The following KIZ variants were observed in gnomAD, a reference collection of about 807,000 sequenced individuals.
KIZ encodes the protein kizuna centrosomal protein.
Under a neutral mutation model 79.6 loss-of-function variants are expected in KIZ, and 68 were observed. The ratio of observed to expected loss-of-function variants is 0.85; its 90% CI spans 0.70 to 1.05. The LOEUF is 1.05. Among genes scored for constraint, KIZ ranks in the 50% least tolerant of loss-of-function variants. The probability of loss-of-function intolerance (pLI) is 0.00; values close to 1 mark genes in which losing one functional copy is unlikely to be tolerated. For missense variants in KIZ, 797 were observed against 800.4 expected, an observed-to-expected ratio of 1.00 and a Z score of 0.05; for synonymous variants, 280 against 281.8, an observed-to-expected ratio of 0.99 and a Z score of 0.06.
intron 4 of KIZ, chr20:21,158,543 T>C (rs1483974347): frequency 6.6e-6 from 1 of 152,218 alleles, no homozygotes; most frequent in East Asian, 1.9e-4. Flanking sequence ...AATAGGATAA[T>C]ATGCAGCTGT....
At chr20:21,189,435 G>A (rs1186268672) in intron 6 of KIZ, among the ~76,000 whole-genome samples, 3 of 152,158 alleles carry the variant, frequency 2.0e-5, no homozygotes, top group Non-Finnish European at 4.4e-5. Context: ...TGGTTCAGGC[G>A]GTTTAAGGGT....
chr20:21,211,874 A>C (rs766007893), intron 7 of KIZ, among the ~76,000 whole-genome samples: 6 of 152,216 alleles, frequency 3.9e-5, no homozygotes, highest in Non-Finnish European at 8.8e-5. Context: ...AGATCACGTG[A>C]GGACAGGAGT....
chr20:21,187,401 C>T (rs569111435), intron 6 of KIZ, among the ~76,000 whole-genome samples: 2 of 152,322 alleles, frequency 1.3e-5, no homozygotes, highest in South Asian at 2.1e-4. Flanking sequence ...GAGGATAACT[C>T]TGTACTAGAC....
intron 11 of KIZ, among the ~76,000 whole-genome samples, chr20:21,243,645 G>A (rs939334164): frequency 7.9e-5 from 12 of 152,160 alleles, no homozygotes; most frequent in South Asian, 6.2e-4. Context: ...ATCATATCCC[G>A]TGGAGCCAGT....
intron 7 of KIZ, chr20:21,213,844 G>A (rs2036173692): frequency 6.6e-6 from 1 of 152,230 alleles, no homozygotes; most frequent in South Asian, 2.1e-4. Flanking sequence ...ATTTAAGTAA[G>A]ACAATGCCTT....
At chr20:21,208,071 G>A (rs1347269554) in intron 7 of KIZ, among the ~76,000 whole-genome samples, 2 of 152,108 alleles carry the variant, frequency 1.3e-5, no homozygotes, top group Non-Finnish European at 2.9e-5. Context: ...CTTTGAGTTA[G>A]CACTGTCTTG....
intron 10 of KIZ, among the ~76,000 whole-genome samples, chr20:21,230,775 C>T (rs551990299): frequency 1.3e-3 from 192 of 152,304 alleles, no homozygotes; most frequent in Non-Finnish European, 2.2e-3. Context: ...GGCCTCTGTC[C>T]TGATGGAGGT....
chr20:21,146,136 A>G (rs1302550131), intron 4 of KIZ, among the ~76,000 whole-genome samples: 1 of 152,236 alleles, frequency 6.6e-6, no homozygotes, highest in Non-Finnish European at 1.5e-5. Context: ...TATCTGCTAT[A>G]ATGCAGGCTT....
At chr20:21,223,535 G>A (rs371376987) in intron 9 of KIZ, among the ~76,000 whole-genome samples, 36 of 152,136 alleles carry the variant, frequency 2.4e-4, no homozygotes, top group African/African-American at 7.7e-4. Context: ...GATGTGAAAA[G>A]TGATTCTGGT....
chr20:21,240,147 C>T (rs183766708), intron 11 of KIZ, among the ~76,000 whole-genome samples: 4 of 151,486 alleles, frequency 2.6e-5, no homozygotes, highest in African/African-American at 4.8e-5. Context: ...TTTTTTGAGA[C>T]GGTGTCTCGC....
At chr20:21,157,841 T>C (rs2033457454) in intron 4 of KIZ, among the ~76,000 whole-genome samples, 1 of 152,214 alleles carries the variant, frequency 6.6e-6, no homozygotes, top group African/African-American at 2.4e-5. Flanking sequence ...GTCCTCCCTG[T>C]GCTGGGTTAG....
chr20:21,154,153 A>G (rs753185231), intron 4 of KIZ: 5 of 152,214 alleles, frequency 3.3e-5, no homozygotes, highest in African/African-American at 9.6e-5. Context: ...TAACAGCTTC[A>G]TTTCTGTTCT....
intron 4 of KIZ, among the ~76,000 whole-genome samples, chr20:21,155,677 T>G (rs2033346680): frequency 6.6e-6 from 1 of 152,208 alleles, no homozygotes; most frequent in Non-Finnish European, 1.5e-5. Context: ...AGGATAAGTT[T>G]TATGGTATGT....
rs543336016 is a variant in KIZ, at chr20:21,199,419, C to T, written c.1353-6072C>T. 3.2e-4 allele frequency among the ~76,000 whole-genome samples: 48 copies of T among 152,336 alleles called. No individual in the cohort carries two copies. In the South Asian group the frequency reaches 8.7e-3, roughly 28 times the overall value. On this transcript the variant is annotated intron_variant, in intron 6 of 12. Coordinates refer to ENST00000619189, the MANE Select transcript of KIZ (RefSeq NM_018474.6). ...CAGATAAAGAAGTCAAGAATGTTCT[C>T]TGCTGTCAGCATTATGTTCTGCTAC...
chr20:21,171,925 A>T (rs114794325), intron 6 of KIZ, among the ~76,000 whole-genome samples: 58 of 152,340 alleles, frequency 3.8e-4, no homozygotes, highest in African/African-American at 1.3e-3. Flanking sequence ...GCTGAGCCTT[A>T]TCCTTCCAGT....
intron 1 of KIZ, among the ~76,000 whole-genome samples, chr20:21,127,957 G>C (rs1405589530): frequency 1.3e-5 from 2 of 152,214 alleles, no homozygotes; most frequent in Non-Finnish European, 2.9e-5. Context: ...GCAAAGCAAT[G>C]TGTAAAGAAT....
chr20:21,194,465 CTTTAG>C (rs2035252985), intron 6 of KIZ: 1 of 152,194 alleles, frequency 6.6e-6, no homozygotes, highest in Non-Finnish European at 1.5e-5. Context: ...CGTTTGAATT[CTTTAG>C]TTGAGTTCTT....
At chr20:21,222,112 G>A (rs59117845) in intron 9 of KIZ, among the ~76,000 whole-genome samples, 3,301 of 152,326 alleles carry the variant, frequency 0.022, 106 homozygotes, top group African/African-American at 0.07. Context: ...CCTGCTGCCT[G>A]CTACTTGCGG....
intron 12 of KIZ, chr20:21,244,554 CTAAT>C (rs2037326721): frequency 4.1e-6 from 2 of 488,698 alleles, no homozygotes; most frequent in Non-Finnish European, 7.2e-6. Context: ...GCCTCCATGT[CTAAT>C]TAATTATCAG....
Sources: gnomAD v4.1 joint callset for allele counts (sites outside exome capture counted in the v4.1 genomes callset) on GRCh38, gnomAD v4.1.1 for gene constraint, MANE v1.5 for transcripts, NCBI Gene and HGNC (gene_info 2026-07-23, HGNC 2026-07-21) for gene names.